Variants in MAPKAP1 observed in about 807,000 individuals in gnomAD.
MAPKAP1 encodes the protein MAPK associated protein 1.
A neutral mutation model predicts 65.7 loss-of-function variants in MAPKAP1; 20 were observed. The ratio of observed to expected loss-of-function variants is 0.30; its 90% confidence interval spans 0.21 to 0.44. The LOEUF (loss-of-function observed/expected upper bound fraction) is 0.44, where lower values mean the gene tolerates loss of function less well. Ranked by LOEUF, MAPKAP1 falls within the 20% of genes least tolerant of loss-of-function variation. MAPKAP1 has a pLI of 1.00. For missense variants in MAPKAP1, 423 were observed against 648.0 expected (o/e 0.65, Z 3.77); for synonymous variants, 222 against 244.3 (o/e 0.91, Z 0.85).
chr9:125,593,123 C>CA (rs1832020920), intron 4 of MAPKAP1, among the ~76,000 whole-genome samples: 1 of 151,628 alleles, frequency 6.6e-6, no homozygotes, highest in Admixed American at 6.6e-5. Context: ...TGGTAAAATA[C>CA]AAAAATACTA....
At chr9:125,611,162 G>A (rs574141471) in intron 4 of MAPKAP1, among the ~76,000 whole-genome samples, 1 of 152,262 alleles carries the variant, frequency 6.6e-6, no homozygotes, top group Admixed American at 6.5e-5. Flanking sequence ...ACTGAATACA[G>A]GTGCTACACA....
intron 4 of MAPKAP1, among the ~76,000 whole-genome samples, chr9:125,654,061 A>G (rs1833964679): frequency 6.6e-6 from 1 of 152,234 alleles, no homozygotes; most frequent in African/African-American, 2.4e-5. Context: ...TTTCCTTCTT[A>G]AAACATAACC....
intron 5 of MAPKAP1, among the ~76,000 whole-genome samples, chr9:125,560,716 C>G (rs1050701941): frequency 1.3e-5 from 2 of 152,224 alleles, no homozygotes; most frequent in African/African-American, 2.4e-5. Flanking sequence ...TAGAATCTGA[C>G]TTCAAACACC....
intron 4 of MAPKAP1, among the ~76,000 whole-genome samples, chr9:125,657,043 C>A (rs568880136): frequency 1.2e-4 from 18 of 152,250 alleles, no homozygotes; most frequent in African/African-American, 4.3e-4. Context: ...AAGCAATAGC[C>A]TAGAATTCTG....
intron 4 of MAPKAP1, among the ~76,000 whole-genome samples, chr9:125,603,382 A>G (rs71495568): frequency 7.4e-6 from 1 of 134,360 alleles, no homozygotes; most frequent in African/African-American, 2.6e-5. Context: ...GAGGAAAATA[A>G]CAATGTGGTC....
At chr9:125,507,447 G>C (rs1395771703) in intron 7 of MAPKAP1, among the ~76,000 whole-genome samples, 1 of 152,190 alleles carries the variant, frequency 6.6e-6, no homozygotes, top group African/African-American at 2.4e-5. Flanking sequence ...GGCGGAACAC[G>C]TATTTTTAGA....
intron 4 of MAPKAP1, among the ~76,000 whole-genome samples, chr9:125,647,460 C>T (rs1833760936): frequency 6.6e-6 from 1 of 152,158 alleles, no homozygotes; most frequent in Non-Finnish European, 1.5e-5. Context: ...GACAACCACA[C>T]CAAGGATAAG....
At chr9:125,610,669 A>G (rs900300291) in intron 4 of MAPKAP1, among the ~76,000 whole-genome samples, 11 of 152,180 alleles carry the variant, frequency 7.2e-5, no homozygotes, top group Admixed American at 2.0e-4. Flanking sequence ...TCTTCCCCCA[A>G]AATTATTTTC....
At chr9:125,542,014 C>T (rs997401377) in intron 7 of MAPKAP1, among the ~76,000 whole-genome samples, 1 of 152,204 alleles carries the variant, frequency 6.6e-6, no homozygotes, top group Non-Finnish European at 1.5e-5. Flanking sequence ...AAATTGCTTG[C>T]AGACGCTAGC....
At chr9:125,540,140 A>G (rs1326913406) in intron 7 of MAPKAP1, among the ~76,000 whole-genome samples, 2 of 152,358 alleles carry the variant, frequency 1.3e-5, no homozygotes, top group South Asian at 2.1e-4. Context: ...AAGGGCTTCA[A>G]TTGGCAAAGC....
At chr9:125,652,202 G>A in intron 4 of MAPKAP1, 1 of 1,315,852 alleles carries the variant, frequency 7.6e-7, no homozygotes, top group Non-Finnish European at 1.0e-6. Context: ...GCTATTTAAT[G>A]CCAATGATTG....
chr9:125,553,914 G>A (rs1350117534), intron 6 of MAPKAP1, among the ~76,000 whole-genome samples: 1 of 151,938 alleles, frequency 6.6e-6, no homozygotes, highest in African/African-American at 2.4e-5. Context: ...GTGCATGCCT[G>A]TAGTCCCAGC....
chr9:125,686,244 G>A (rs765933271), intron 1 of MAPKAP1, among the ~76,000 whole-genome samples: 6 of 150,660 alleles, frequency 4.0e-5, no homozygotes, highest in Non-Finnish European at 8.9e-5. Context: ...CCCGGGAGGC[G>A]GAGCTTGCAG....
chr9:125,596,411 T>C, intron 4 of MAPKAP1: 1 of 811,664 alleles, frequency 1.2e-6, no homozygotes, highest in Admixed American at 1.7e-5. Context: ...GATTTGGTAC[T>C]GATGGAAGCA....
intron 8 of MAPKAP1, chr9:125,506,082 A>G: frequency 1.8e-6 from 1 of 557,834 alleles, no homozygotes; most frequent in Non-Finnish European, 3.2e-6. Context: ...TTTAACAGGA[A>G]AATATTAATC....
At chr9:125,613,741 A>G (rs1210178425) in intron 4 of MAPKAP1, among the ~76,000 whole-genome samples, 1 of 152,196 alleles carries the variant, frequency 6.6e-6, no homozygotes, top group Non-Finnish European at 1.5e-5. Flanking sequence ...CCAAACATTC[A>G]AAGAACAGAT....
chr9:125,488,880 C>T (rs1432030778), intron 8 of MAPKAP1, among the ~76,000 whole-genome samples: 1 of 152,224 alleles, frequency 6.6e-6, no homozygotes, highest in African/African-American at 2.4e-5. Context: ...CTGCAATAGA[C>T]ACTTTATCTA....
chr9:125,535,136 C>T (rs1199795649), intron 7 of MAPKAP1, among the ~76,000 whole-genome samples: 4 of 152,224 alleles, frequency 2.6e-5, no homozygotes, highest in African/African-American at 9.7e-5. Context: ...GTAGCTTACC[C>T]TCTGCCCTCT....
At chr9:125,663,268 T>C (rs1834241430) in intron 3 of MAPKAP1, among the ~76,000 whole-genome samples, 1 of 152,250 alleles carries the variant, frequency 6.6e-6, no homozygotes, top group African/African-American at 2.4e-5. Flanking sequence ...TATTCTATTT[T>C]TTGAATACAC....
Sources: allele counts gnomAD v4.1 joint callset (sites outside exome capture counted in the v4.1 genomes callset), GRCh38; gene constraint gnomAD v4.1.1; transcripts MANE v1.5; gene names NCBI Gene and HGNC (gene_info 2026-07-23, HGNC 2026-07-21).